The following PGAP1 variants were observed in gnomAD, a reference collection of about 807,000 sequenced individuals.
PGAP1 encodes GPI inositol-deacylase.
PGAP1 carries 76 observed loss-of-function variants against 127.0 expected under a neutral mutation model. The observed-to-expected ratio is 0.60, with a 90% CI of 0.50 to 0.72. The LOEUF (loss-of-function observed/expected upper bound fraction) is 0.72, where lower values mean the gene tolerates loss of function less well. PGAP1 is among the 30% of genes least tolerant of loss of function. The pLI, the probability that PGAP1 is intolerant of heterozygous loss-of-function variation, is 0.00. For missense variants in PGAP1, 982 were observed against 1,071.3 expected (o/e 0.92, Z 1.16); for synonymous variants, 362 against 366.5 (o/e 0.99, Z 0.14).
intron 3 of PGAP1, among the ~76,000 whole-genome samples, chr2:196,914,619 C>CAAACAAAACA (rs74337641): frequency 1.4e-5 from 2 of 144,354 alleles, no homozygotes; most frequent in South Asian, 2.3e-4. Flanking sequence ...GACCCTGTCT[C>CAAACAAAACA]AAACAAAACA....
chr2:196,916,501 G>GT lies in PGAP1; in HGVS notation c.393dup (p.Leu132ThrfsTer18). 1.2e-6 allele frequency: 2 copies of GT among 1,613,570 alleles called. No individual in the cohort carries two copies. The highest frequency in any genetic ancestry group is 1.7e-6 in the Non-Finnish European group (2 of 1,179,752). On this transcript the variant is annotated frameshift_variant, in exon 3 of 27. Transcript: ENST00000354764. LOFTEE classifies it high-confidence loss of function. ...AGACTTCCACCATACAAAGCCACCAGTTCTTCATTGAAGTTCACACTAAAG... is the reference window on the plus strand; with the variant it reads ...AGACTTCCACCATACAAAGCCACCAGTTTCTTCATTGAAGTTCACACTAAAG...
At position 196,842,738 on chromosome 2, in the gene PGAP1, AGT is replaced by A; in HGVS notation, c.2611_2612del (p.Thr871CysfsTer7). ...TACTGTACCTTGATTTTATTGAAAC[AGT>A]GTAAGTATTTCCAAGAATTGCCATA... Reference protein sequence around the residue: ...PTMAILGNTYTVSIKSSKLLK... With the variant: ...PTMAILGNTYXVSIKSSKLLK... On this transcript the variant is annotated frameshift_variant, in exon 26 of 27. Coordinates refer to ENST00000354764, the MANE Select transcript of PGAP1 (RefSeq NM_024989.4). LOFTEE classifies it high-confidence loss of function. 6.4e-7 allele frequency: 1 copy of A among 1,556,340 alleles called. No homozygotes were observed. Among genetic ancestry groups the A allele is most frequent in the South Asian group, 1.2e-5 (1 of 83,928 alleles).
chr2:196,858,401 CA>C (rs562384054), intron 20 of PGAP1, among the ~76,000 whole-genome samples: 40 of 130,412 alleles, frequency 3.1e-4, no homozygotes, highest in Middle Eastern at 8.2e-3. Flanking sequence ...GACTCCGTCT[CA>C]AAAAAAAAAA....
At chr2:196,844,409 C>A in intron 24 of PGAP1, 115 bp downstream of exon 24, 2 of 652,564 alleles carry the variant, frequency 3.1e-6, no homozygotes, top group Non-Finnish European at 5.0e-6. Flanking sequence ...TACTTAAATT[C>A]ATAATACTGT....
intron 18 of PGAP1, 32 bp from the exon 19 acceptor site, chr2:196,871,011 T>A (rs775506900): frequency 6.7e-7 from 1 of 1,482,978 alleles, no homozygotes; most frequent in East Asian, 2.3e-5. Flanking sequence ...AAAAAAAGGT[T>A]ATTTTCCTCT....
At chr2:196,862,840 C>T (rs1026437716) in intron 20 of PGAP1, among the ~76,000 whole-genome samples, 1 of 152,158 alleles carries the variant, frequency 6.6e-6, no homozygotes, top group African/African-American at 2.4e-5. Flanking sequence ...ATCTCTTGAA[C>T]CCGGGAGGTG....
chr2:196,902,368 C>T (rs1480708675), intron 5 of PGAP1, among the ~76,000 whole-genome samples: 1 of 152,078 alleles, frequency 6.6e-6, no homozygotes, highest in East Asian at 1.9e-4. Context: ...ACATAAGCAT[C>T]CACAATTCTG....
Position 196,893,257 on chromosome 2 carries a change from A to G in PGAP1, c.928-12T>C, listed in dbSNP as rs1241223329. ...GAATTTTGAGTTATCTAGAAAGAAC[A>G]TTGATACATTCTGTATCATTTTGTA... On this transcript the variant is annotated splice_polypyrimidine_tract_variant and intron_variant, in intron 7 of 26. Coordinates refer to ENST00000354764, the MANE Select transcript of PGAP1 (RefSeq NM_024989.4). 1 of 1,354,792 alleles carries G rather than the reference A, an allele frequency of 7.4e-7. No homozygotes were observed. Among genetic ancestry groups the G allele is most frequent in the Non-Finnish European group, 1.1e-6 (1 of 948,206 alleles). The allele number at this position is 1,354,792 out of a possible 1,614,324, so 83.9% of individuals were successfully genotyped here. A position where few individuals can be genotyped will look rare whatever the true frequency, so the allele number is the denominator to read the frequency against.
chr2:196,878,633 T>C (rs965168526), intron 13 of PGAP1, among the ~76,000 whole-genome samples: 4 of 152,164 alleles, frequency 2.6e-5, no homozygotes, highest in Admixed American at 6.5e-5. Context: ...TCTGATACCA[T>C]TACTACTATA....
intron 10 of PGAP1, among the ~76,000 whole-genome samples, chr2:196,889,544 A>G (rs946744430): frequency 6.6e-6 from 1 of 151,108 alleles, no homozygotes; most frequent in Non-Finnish European, 1.5e-5. Flanking sequence ...AGAATAGAGG[A>G]AAAAGAATCC....
At chr2:196,844,157 A>C (rs3795919) in intron 24 of PGAP1, 82 bp from the exon 25 acceptor site, 1 of 803,468 alleles carries the variant, frequency 1.2e-6, no homozygotes, top group African/African-American at 1.8e-5. Context: ...TTACTTATCA[A>C]CTAAATAAGT....
rs779046271 is a variant in PGAP1 at position 196,892,375 on chromosome 2, CTT to C, written c.1058_1059del (p.Lys353SerfsTer13). ...TAAGCTACATAGGTCCATTTGGACACTTTTACTAGAACCCACATAGATGTCCC... is the reference window on the plus strand; with the variant it reads ...TAAGCTACATAGGTCCATTTGGACACTTACTAGAACCCACATAGATGTCCC... ...LTGTSMWVLVKVSKWTYVAYN... is the reference protein window; with the variant it reads ...LTGTSMWVLVXVSKWTYVAYN... On this transcript the variant is annotated frameshift_variant, in exon 9 of 27. Coordinates refer to ENST00000354764, the MANE Select transcript of PGAP1 (RefSeq NM_024989.4). LOFTEE classifies it high-confidence loss of function. The C allele has an allele frequency of 6.7e-7, 1 of 1,498,852 alleles. No individual in the cohort carries two copies. Among genetic ancestry groups the C allele is most frequent in the Non-Finnish European group, 9.1e-7 (1 of 1,096,642 alleles). The allele number at this position is 1,498,852 out of a possible 1,614,324, so 92.8% of individuals were successfully genotyped here. A position where few individuals can be genotyped will look rare whatever the true frequency, so the allele number is the denominator to read the frequency against.
intron 19 of PGAP1, among the ~76,000 whole-genome samples, chr2:196,866,205 T>C (rs148351118): frequency 0.015 from 2,229 of 152,330 alleles, 24 homozygotes; most frequent in South Asian, 0.048. Flanking sequence ...GGCATCACTC[T>C]ACCTGACTTC....
chr2:196,886,279 G>T (rs946626453), intron 10 of PGAP1, among the ~76,000 whole-genome samples: 1 of 149,768 alleles, frequency 6.7e-6, no homozygotes, highest in Admixed American at 6.7e-5. Context: ...TCCTGCCTCA[G>T]CCTCCCAAGT....
intron 3 of PGAP1, among the ~76,000 whole-genome samples, chr2:196,914,468 A>C (rs1479114955): frequency 6.6e-6 from 1 of 152,080 alleles, no homozygotes; most frequent in Non-Finnish European, 1.5e-5. Flanking sequence ...TAAAAATACA[A>C]AAATTAGCTG....
intron 1 of PGAP1, among the ~76,000 whole-genome samples, chr2:196,923,348 T>C (rs1222465491): frequency 1.3e-5 from 2 of 152,220 alleles, no homozygotes; most frequent in Non-Finnish European, 2.9e-5. Context: ...CCAGTTCACT[T>C]TGCATCTTCT....
intron 7 of PGAP1, among the ~76,000 whole-genome samples, chr2:196,896,900 T>C (rs1308471562): frequency 6.6e-6 from 1 of 150,870 alleles, no homozygotes; most frequent in African/African-American, 2.4e-5. Context: ...TGGGGGAAGA[T>C]TTAAGGTTCT....
intron 20 of PGAP1, among the ~76,000 whole-genome samples, chr2:196,856,755 C>A (rs368366137): frequency 6.6e-6 from 1 of 152,166 alleles, no homozygotes; most frequent in Admixed American, 6.5e-5. Flanking sequence ...GAGACCCTTA[C>A]CCTTCTTAGT....
At chr2:196,862,774 T>C (rs1266448705) in intron 20 of PGAP1, among the ~76,000 whole-genome samples, 1 of 152,178 alleles carries the variant, frequency 6.6e-6, no homozygotes, top group East Asian at 1.9e-4. Flanking sequence ...CAAAATTAGC[T>C]GGGCATGGTG....
Sources: gnomAD v4.1 joint callset for allele counts (sites outside exome capture counted in the v4.1 genomes callset) on GRCh38, gnomAD v4.1.1 for gene constraint, MANE v1.5 for transcripts, NCBI Gene and HGNC (gene_info 2026-07-23, HGNC 2026-07-21) for gene names.